The following PDHX variants were observed in gnomAD, a reference collection of about 807,000 sequenced individuals.
PDHX encodes pyruvate dehydrogenase protein X component, mitochondrial.
A neutral mutation model predicts 55.3 loss-of-function variants in PDHX; 33 were observed. That is an observed-to-expected ratio of 0.60 (90% CI 0.45 to 0.80). The LOEUF is 0.80. PDHX is among the 30% of genes least tolerant of loss of function. The pLI is 0.00. For synonymous variants in PDHX, 226 were observed against 219.4 expected (o/e 1.03, Z -0.27); for missense variants, 622 against 619.9 (o/e 1.00, Z -0.04).
intron 2 of PDHX, among the ~76,000 whole-genome samples, chr11:34,943,729 C>T (rs1039709930): frequency 1.3e-5 from 2 of 152,148 alleles, no homozygotes; most frequent in African/African-American, 4.8e-5. Context: ...GTTTCCTGTT[C>T]TCTCTGCCTC....
intron 3 of PDHX, among the ~76,000 whole-genome samples, chr11:34,952,946 T>C (rs10742330): frequency 0.72 from 107,902 of 150,384 alleles, 38,833 homozygotes; most frequent in Middle Eastern, 0.78. Flanking sequence ...AAAACCCCAT[T>C]GTCTCAGCCC....
chr11:34,958,772 C>G (rs150278060), intron 4 of PDHX, among the ~76,000 whole-genome samples: 2 of 152,112 alleles, frequency 1.3e-5, no homozygotes, highest in African/African-American at 4.8e-5. Context: ...AGTATGTACC[C>G]TAATTAAGAT....
intron 1 of PDHX, among the ~76,000 whole-genome samples, chr11:34,928,371 C>T (rs1452820951): frequency 7.1e-6 from 1 of 140,224 alleles, no homozygotes; most frequent in African/African-American, 2.6e-5. Context: ...CACATTGGGA[C>T]TTTTTTTTTT....
intron 7 of PDHX, among the ~76,000 whole-genome samples, chr11:34,975,406 A>G (rs2762957): frequency 0.6 from 91,225 of 151,866 alleles, 28,888 homozygotes; most frequent in East Asian, 0.75. Context: ...AAGCTCTTAA[A>G]TGCTCTATTT....
chr11:34,978,072 T>A (rs541556108), intron 7 of PDHX, 52 bp from the exon 8 acceptor site: 128 of 934,018 alleles, frequency 1.4e-4, no homozygotes, highest in Non-Finnish European at 1.6e-4. Flanking sequence ...TAATGGTCAA[T>A]GTTAAAGTTA....
chr11:34,919,626 A>G (rs1470320834), intron 1 of PDHX, among the ~76,000 whole-genome samples: 4 of 152,252 alleles, frequency 2.6e-5, no homozygotes, highest in Non-Finnish European at 5.9e-5. Flanking sequence ...TCCTAAAGAC[A>G]TGTAACTGTG....
intron 8 of PDHX, among the ~76,000 whole-genome samples, chr11:34,980,829 C>A (rs1160041679): frequency 1.3e-5 from 2 of 152,026 alleles, no homozygotes; most frequent in East Asian, 3.9e-4. Context: ...TATTGCCATG[C>A]TTAAATGACA....
At chr11:34,989,441 A>C (rs1443064842) in intron 9 of PDHX, among the ~76,000 whole-genome samples, 1 of 152,216 alleles carries the variant, frequency 6.6e-6, no homozygotes, top group Non-Finnish European at 1.5e-5. Flanking sequence ...CCAAAGAAGC[A>C]GTGAAGATTC....
intron 3 of PDHX, among the ~76,000 whole-genome samples, chr11:34,952,433 A>C (rs1854797179): frequency 1.3e-5 from 2 of 152,164 alleles, no homozygotes; most frequent in African/African-American, 2.4e-5. Context: ...TTGATGCAAA[A>C]ATCCTCAATA....
At chr11:34,977,417 T>C (rs1855403241) in intron 7 of PDHX, among the ~76,000 whole-genome samples, 1 of 152,150 alleles carries the variant, frequency 6.6e-6, no homozygotes, top group Non-Finnish European at 1.5e-5. Flanking sequence ...TTAAAATCAT[T>C]ATGTATACTG....
chr11:34,980,612 A>G (rs1412691705), intron 8 of PDHX, among the ~76,000 whole-genome samples: 2 of 151,786 alleles, frequency 1.3e-5, no homozygotes, highest in Non-Finnish European at 2.9e-5. Flanking sequence ...AGGGTTTGGG[A>G]CTTTATTCTT....
At chr11:34,960,968 A>G (rs759239270) in intron 5 of PDHX, among the ~76,000 whole-genome samples, 1 of 152,100 alleles carries the variant, frequency 6.6e-6, no homozygotes, top group Non-Finnish European at 1.5e-5. Flanking sequence ...TTTCTTTTCT[A>G]TTTCACTGAT....
Position 34,918,203 on chromosome 11 carries a change from G to A in PDHX, c.160+1388G>A, listed in dbSNP as rs189890147. On this transcript the variant is annotated intron_variant, in intron 1 of 10. Coordinates refer to ENST00000227868, the MANE Select transcript of PDHX (RefSeq NM_003477.3). The stretch of plus-strand genomic sequence containing the variant: ...CTGTAATCCCAGCACTTTGGGAGGC[G>A]AAGCTGGAAGATTGCTAGAGCCCAG... Among the ~76,000 whole-genome samples, 1,158 of 151,702 alleles carry A rather than the reference G, an allele frequency of 7.6e-3. 11 individuals carry two copies. The highest frequency in any genetic ancestry group is 0.027 in the African/African-American group (1,105 of 41,340).
chr11:34,935,074 T>G (rs1565151293), intron 2 of PDHX, among the ~76,000 whole-genome samples: 1 of 152,126 alleles, frequency 6.6e-6, no homozygotes, highest in Non-Finnish European at 1.5e-5. Context: ...AGATCGGTCA[T>G]GAATCACTTG....
At chr11:34,982,207 G>C (rs989056403) in intron 8 of PDHX, among the ~76,000 whole-genome samples, 16 of 152,150 alleles carry the variant, frequency 1.1e-4, no homozygotes, top group African/African-American at 3.6e-4. Context: ...TCCAGTTTCA[G>C]CTTTCTACAT....
At chr11:34,931,018 G>C (rs2956101) in intron 1 of PDHX, among the ~76,000 whole-genome samples, 119,364 of 152,056 alleles carry the variant, frequency 0.79, 46,997 homozygotes, top group East Asian at 0.83. Flanking sequence ...GTTTTATTTG[G>C]CTTTTTCTTT....
chr11:34,976,990 G>A (rs1855393458), intron 7 of PDHX, among the ~76,000 whole-genome samples: 1 of 152,144 alleles, frequency 6.6e-6, no homozygotes, highest in South Asian at 2.1e-4. Flanking sequence ...TGTAAGCACT[G>A]TAAGTCCATT....
At chr11:34,949,878 A>G (rs2133964975) in intron 3 of PDHX, among the ~76,000 whole-genome samples, 1 of 152,326 alleles carries the variant, frequency 6.6e-6, no homozygotes, top group South Asian at 2.1e-4. Context: ...TTATTGATAG[A>G]CCATTATTCA....
At chr11:34,915,923 T>G, upstream of PDHX, 1 of 485,078 alleles carries the variant, frequency 2.1e-6, no homozygotes, top group Non-Finnish European at 3.6e-6. Flanking sequence ...TGGCCTGCCT[T>G]CCTGATAAAT....
Sources: allele counts gnomAD v4.1 joint callset (sites outside exome capture counted in the v4.1 genomes callset), GRCh38; gene constraint gnomAD v4.1.1; transcripts MANE v1.5; gene names NCBI Gene and HGNC (gene_info 2026-07-23, HGNC 2026-07-21).